FGD5: variants seen among roughly 807,000 people sequenced by gnomAD.
FGD5 encodes FYVE, RhoGEF and PH domain-containing protein 5.
Under a neutral mutation model 133.4 loss-of-function variants are expected in FGD5, and 28 were observed. That is an observed-to-expected ratio of 0.21 (90% CI 0.16 to 0.29). The LOEUF (loss-of-function observed/expected upper bound fraction) is 0.29. Among genes scored for constraint, FGD5 ranks in the 10% least tolerant of loss-of-function variants. FGD5 has a pLI of 1.00. For synonymous variants in FGD5, 810 were observed against 776.5 expected, an observed-to-expected ratio of 1.04 and a Z score of -0.72; for missense variants, 1,858 against 1,895.2, an observed-to-expected ratio of 0.98 and a Z score of 0.36.
In FGD5 at chr3:14,820,805, G is replaced by C; in HGVS notation, c.1734G>C (p.Arg578Ser). ...GGTTGGATGACCACAGGATAAAGAGGAAAGAGGACAATCTCTCTCTGTCGT... is the reference window on the plus strand; with the variant it reads ...GGTTGGATGACCACAGGATAAAGAGCAAAGAGGACAATCTCTCTCTGTCGT... ...GSGLDDHRIK[R>S]KEDNLSLSCV... The change falls in exon 1 of 20, where the codon AGG (arginine) becomes AGC (serine). Residue 578 changes from arginine (R) to serine (S), a missense_variant. Arg to Ser is a moderately radical substitution (Grantham distance 110). This residue lies in a region of FGD5 where 1,824 missense variants were observed against 1,848.9 expected (regional missense o/e 0.99). Transcript: ENST00000285046. The C allele has an allele frequency of 6.2e-7, 1 of 1,613,850 alleles. No homozygotes were observed. Among genetic ancestry groups the C allele is most frequent in the Non-Finnish European group, 8.5e-7 (1 of 1,179,852 alleles).
chr3:14,931,773 T>C (rs1474048928), intron 18 of FGD5: 3 of 152,194 alleles, frequency 2.0e-5, no homozygotes, highest in African/African-American at 7.2e-5. Flanking sequence ...TGAAATACTG[T>C]AAATGAGGTT....
chr3:14,865,802 T>G (rs749416925), intron 2 of FGD5, among the ~76,000 whole-genome samples: 9 of 152,244 alleles, frequency 5.9e-5, no homozygotes, highest in Non-Finnish European at 1.3e-4. Flanking sequence ...AAGTCCAGTG[T>G]TGCCTATCAC....
chr3:14,818,828 C>T (rs557700604), upstream of FGD5: 16 of 1,004,624 alleles, frequency 1.6e-5, no homozygotes, highest in Non-Finnish European at 2.0e-5. Flanking sequence ...AGACAAAGCA[C>T]GGGAGGTGGG....
chr3:14,878,547 A>C (rs1231590267), intron 2 of FGD5, among the ~76,000 whole-genome samples: 2 of 152,166 alleles, frequency 1.3e-5, no homozygotes, highest in Non-Finnish European at 2.9e-5. Context: ...CACAGTTCCA[A>C]GTGTGAGAGA....
chr3:14,870,260 A>G (rs1289656122), intron 2 of FGD5, among the ~76,000 whole-genome samples: 2 of 152,206 alleles, frequency 1.3e-5, no homozygotes, highest in East Asian at 3.9e-4. Context: ...CTAGGAGGTC[A>G]TTGTGGCTGG....
At chr3:14,901,741 C>T (rs959123406) in intron 9 of FGD5, among the ~76,000 whole-genome samples, 10 of 152,208 alleles carry the variant, frequency 6.6e-5, no homozygotes, top group Non-Finnish European at 1.5e-5. Flanking sequence ...AGGTGCTATA[C>T]TTTGCTGTGG....
rs769500543 is a variant in FGD5 at position 14,923,145 on chromosome 3, C to T, written c.3907C>T (p.Arg1303Trp). The T allele has an allele frequency of 3.7e-5, 59 of 1,613,436 alleles. No individual in the cohort carries two copies. Among genetic ancestry groups the T allele is most frequent in the Non-Finnish European group, 4.7e-5 (56 of 1,179,804 alleles). The change falls in exon 16 of 20, where the codon CGG (arginine) becomes TGG (tryptophan). Residue 1303 changes from arginine to tryptophan, a missense_variant. By Grantham distance (101) the Arg-to-Trp change is moderately radical (BLOSUM62 -3). Transcript: ENST00000285046. Reference protein sequence around the residue: ...CDGCFGELKKRGRAVPGLMRE... With the variant: ...CDGCFGELKKWGRAVPGLMRE... Reference sequence around the variant, plus strand: ...CGGCTGCTTCGGGGAGCTGAAGAAGCGGGGCAGGGCTGTCCCGGGCCTGAT... The same window carrying T: ...CGGCTGCTTCGGGGAGCTGAAGAAGTGGGGCAGGGCTGTCCCGGGCCTGAT...
intron 1 of FGD5, among the ~76,000 whole-genome samples, chr3:14,812,739 T>G (rs930727513): frequency 2.6e-5 from 4 of 152,150 alleles, no homozygotes; most frequent in Non-Finnish European, 5.9e-5. Flanking sequence ...CTTAAGCAGG[T>G]TATTCAACCT....
At chr3:14,869,970 G>T (rs1253711166) in intron 2 of FGD5, among the ~76,000 whole-genome samples, 1 of 152,218 alleles carries the variant, frequency 6.6e-6, no homozygotes. Context: ...TGGGATTGCT[G>T]TATTATATGG....
At chr3:14,906,435 A>C (rs2038342873) in intron 9 of FGD5, among the ~76,000 whole-genome samples, 1 of 152,172 alleles carries the variant, frequency 6.6e-6, no homozygotes. Context: ...CTCTTTCCCT[A>C]GAGGAGCAGA....
intron 13 of FGD5, among the ~76,000 whole-genome samples, chr3:14,919,225 C>T (rs904608507): frequency 2.0e-5 from 3 of 152,108 alleles, no homozygotes; most frequent in African/African-American, 4.8e-5. Flanking sequence ...TGCCTTTTTG[C>T]GTTCCTGTCT....
At position 14,820,649 on chromosome 3, in the gene FGD5, G is replaced by C; in HGVS notation, c.1578G>C (p.Leu526Phe). 6.2e-7 allele frequency: 1 copy of C among 1,602,252 alleles called. No individual in the cohort carries two copies. The highest frequency in any genetic ancestry group is 8.5e-7 in the Non-Finnish European group (1 of 1,174,820). ...AEEVGKTLLS[L>F]EGKPLEASRA... ...AGGTGGGAAAGACGCTTTTGTCATT[G>C]GAGGGGAAGCCCTTGGAAGCCAGCA... The change falls in exon 1 of 20, where the codon TTG (leucine) becomes TTC (phenylalanine). Residue 526 changes from leucine (L) to phenylalanine (F), a missense_variant. Physicochemically the swap from Leu to Phe is conservative, Grantham distance 22. This residue lies in a region of FGD5 where 1,824 missense variants were observed against 1,848.9 expected (regional missense o/e 0.99). Transcript: ENST00000285046.
At position 14,882,632 on chromosome 3, in the gene FGD5, A is replaced by G. The variant is rs541355873; in HGVS notation, c.2748+1860A>G. Among the ~76,000 whole-genome samples the G allele has an allele frequency of 1.6e-3, 236 of 148,812 alleles. 1 individual carries two copies. The highest frequency in any genetic ancestry group is 5.7e-3 in the African/African-American group (229 of 40,276). ...AGAATCACTTGAACCCAGGAGAAGG[A>G]GGTTGCAGTGAGCCGAGATCGTGCC... is the stretch of plus-strand genomic sequence containing the variant. On this transcript the variant is annotated intron_variant, in intron 4 of 19. Coordinates refer to ENST00000285046, the MANE Select transcript of FGD5 (RefSeq NM_152536.4).
intron 1 of FGD5, among the ~76,000 whole-genome samples, chr3:14,860,093 T>C (rs756473648): frequency 2.6e-5 from 4 of 152,140 alleles, no homozygotes; most frequent in Non-Finnish European, 4.4e-5. Context: ...GTGAAGTGCA[T>C]CTGGGAGCAG....
At chr3:14,891,152 A>G (rs2038017972) in intron 4 of FGD5, among the ~76,000 whole-genome samples, 1 of 152,172 alleles carries the variant, frequency 6.6e-6, no homozygotes, top group Admixed American at 6.5e-5. Flanking sequence ...AAGAGCCTGC[A>G]GGGCTGGAGG....
At chr3:14,833,990 G>C (rs2036767445) in intron 1 of FGD5, among the ~76,000 whole-genome samples, 1 of 152,150 alleles carries the variant, frequency 6.6e-6, no homozygotes, top group Admixed American at 6.5e-5. Context: ...AATCTTGGTG[G>C]TTTTCTCAGT....
chr3:14,845,339 G>T (rs938891217), intron 1 of FGD5, among the ~76,000 whole-genome samples: 3 of 152,166 alleles, frequency 2.0e-5, no homozygotes, highest in African/African-American at 7.2e-5. Context: ...TGAAACTACT[G>T]AAGTTACTCA....
rs1370772261 is a variant in FGD5 at position 14,922,329 on chromosome 3, G to A, written c.3670-82G>A. 1.2e-5 allele frequency: 19 copies of A among 1,525,030 alleles called. No homozygotes were observed. Among genetic ancestry groups the A allele is most frequent in the Non-Finnish European group, 1.7e-5 (19 of 1,128,326 alleles). 94.5% of individuals were successfully genotyped at this position (1,525,030 alleles called of 1,614,324 possible). On this transcript the variant is annotated intron_variant, in intron 14 of 19. Coordinates refer to ENST00000285046, the MANE Select transcript of FGD5 (RefSeq NM_152536.4). The surrounding 1 kb of genome is among the most constrained non-coding windows in gnomAD (Gnocchi z 4.1). The stretch of plus-strand genomic sequence containing the variant: ...CACATCACACACCCTGCACAGAGAC[G>A]CAGGGCAGGGCTCACTGGGCTCTGC...
At chr3:14,898,158 C>G in intron 6 of FGD5, 63 bp downstream of exon 6, 1 of 1,597,888 alleles carries the variant, frequency 6.3e-7, no homozygotes, top group South Asian at 1.1e-5. Flanking sequence ...GGGCGAAGGG[C>G]TTAATGCAAA....
Sources: gnomAD v4.1 joint callset for allele counts (sites outside exome capture counted in the v4.1 genomes callset) on GRCh38, gnomAD v4.1.1 for gene constraint, gnomAD v4.1.1 regional missense constraint, Gnocchi (gnomAD v3.1) non-coding constraint, MANE v1.5 for transcripts, NCBI Gene and HGNC (gene_info 2026-07-23, HGNC 2026-07-21) for gene names.